The following PCGF5 variants were observed in gnomAD, a reference collection of about 807,000 sequenced individuals.
PCGF5 encodes polycomb group ring finger 5, also known as polycomb group RING finger protein 5.
PCGF5 carries 9 observed loss-of-function variants against 44.3 expected under a neutral mutation model. The ratio of observed to expected loss-of-function variants is 0.20; its 90% CI spans 0.12 to 0.35. The LOEUF is 0.35. Ranked by LOEUF, PCGF5 falls within the 10% of genes least tolerant of loss-of-function variation. PCGF5 has a pLI of 1.00. For missense variants in PCGF5, 146 were observed against 305.3 expected, an observed-to-expected ratio of 0.48 and a Z score of 3.89; for synonymous variants, 95 against 102.5, an observed-to-expected ratio of 0.93 and a Z score of 0.44.
intron 1 of PCGF5, among the ~76,000 whole-genome samples, chr10:91,207,851 A>G (rs1397246656): frequency 2.0e-5 from 3 of 152,210 alleles, no homozygotes; most frequent in African/African-American, 7.2e-5. Context: ...GTGATAATGT[A>G]TCCTCCTAAG....
Position 91,222,939 on chromosome 10 carries a change from G to A in PCGF5, c.68G>A (p.Gly23Glu). 6.2e-7 allele frequency: 1 copy of A among 1,613,118 alleles called. No homozygotes were observed. Among genetic ancestry groups the A allele is most frequent in the Non-Finnish European group, 8.5e-7 (1 of 1,179,220 alleles). Residue 23 changes from glycine to glutamate, a missense_variant, in exon 2 of 10, where the codon GGG becomes GAG. Physicochemically the swap from Gly to Glu is moderately conservative, Grantham distance 98. Coordinates refer to ENST00000336126, the MANE Select transcript of PCGF5 (RefSeq NM_032373.5). Reference protein sequence around the residue: ...NPYITCYICKGYLIKPTTVTE... With the variant: ...NPYITCYICKEYLIKPTTVTE... ...TACATTACCTGCTATATCTGTAAAG[G>A]GTATCTGATCAAGCCAACAACAGTG... is the stretch of plus-strand genomic sequence containing the variant.
rs1343588754 is a variant in PCGF5, at chr10:91,277,778, G to T, written c.724-491G>T. Reference sequence around the variant, plus strand: ...TTTAAAAAATGTTTCAAACTTGTAAGAAATATGATTTGTGAACACTACTCC... The same window carrying T: ...TTTAAAAAATGTTTCAAACTTGTAATAAATATGATTTGTGAACACTACTCC... On this transcript the variant is annotated intron_variant, in intron 9 of 9. Coordinates refer to ENST00000336126, the MANE Select transcript of PCGF5 (RefSeq NM_032373.5). Among the ~76,000 whole-genome samples, 3 of 152,142 alleles carry T rather than the reference G, an allele frequency of 2.0e-5. No individual in the cohort carries two copies. In the East Asian group the frequency reaches 5.8e-4, roughly 29 times the overall value.
chr10:91,189,042 G>T (rs185107820), intron 1 of PCGF5, among the ~76,000 whole-genome samples: 4 of 152,336 alleles, frequency 2.6e-5, no homozygotes, highest in African/African-American at 9.6e-5. Context: ...AGTAAGATTA[G>T]CTAGCATGTG....
intron 1 of PCGF5, among the ~76,000 whole-genome samples, chr10:91,204,028 A>G (rs148949691): frequency 1.9e-3 from 293 of 152,360 alleles, no homozygotes; most frequent in Middle Eastern, 0.01. Flanking sequence ...ATGACACCAC[A>G]AAATCATAAA....
intron 1 of PCGF5, among the ~76,000 whole-genome samples, chr10:91,199,019 T>C (rs1844197101): frequency 6.6e-6 from 1 of 152,220 alleles, no homozygotes; most frequent in Non-Finnish European, 1.5e-5. Context: ...GTATTTATTG[T>C]TTTTGTTCAG....
At chr10:91,176,271 G>A (rs963132526) in intron 1 of PCGF5, among the ~76,000 whole-genome samples, 22 of 152,166 alleles carry the variant, frequency 1.4e-4, no homozygotes, top group Non-Finnish European at 2.4e-4. Context: ...AGTTTCTGCC[G>A]AGAGATCAGC....
intron 6 of PCGF5, among the ~76,000 whole-genome samples, chr10:91,254,128 A>G (rs764835103): frequency 3.3e-5 from 5 of 151,830 alleles, no homozygotes; most frequent in Non-Finnish European, 5.9e-5. Context: ...CCATTAGTAA[A>G]TCGTCCTTTC....
In PCGF5 at chr10:91,222,818, T is replaced by C; in HGVS notation, c.-54T>C. 9.5e-7 allele frequency: 1 copy of C among 1,056,260 alleles called. No homozygotes were observed. Among genetic ancestry groups the C allele is most frequent in the Non-Finnish European group, 1.5e-6 (1 of 685,896 alleles). The allele number at this position is 1,056,260 out of a possible 1,614,324, so 65.4% of individuals were successfully genotyped here. A position where few individuals can be genotyped will look rare whatever the true frequency, so the allele number is the denominator to read the frequency against. ...CAGCTCCTGGGATCAGACTTTCATC[T>C]ACTTAGGACCCCTCTTTGCCCAGAC... On this transcript the variant is annotated 5_prime_UTR_variant, in exon 2 of 10. Transcript: ENST00000336126.
At chr10:91,264,300 G>T (rs998304867) in intron 7 of PCGF5, 131 bp from the exon 8 acceptor site, 1 of 658,918 alleles carries the variant, frequency 1.5e-6, no homozygotes, top group Non-Finnish European at 2.5e-6. Flanking sequence ...GAGAATAAAT[G>T]CCTCCTATTT....
At chr10:91,158,596 G>C (rs1843346354), upstream of PCGF5, among the ~76,000 whole-genome samples, 1 of 152,216 alleles carries the variant, frequency 6.6e-6, no homozygotes, top group African/African-American at 2.4e-5. Flanking sequence ...TCAAGAGAGA[G>C]TGGACTACAT....
chr10:91,254,202 T>TGG (rs1845691387), intron 6 of PCGF5, among the ~76,000 whole-genome samples: 1 of 125,862 alleles, frequency 7.9e-6, no homozygotes, highest in African/African-American at 3.6e-5. Flanking sequence ...CCCCTCCACC[T>TGG]CGTGTGTGTG....
intron 1 of PCGF5, among the ~76,000 whole-genome samples, chr10:91,181,333 T>G (rs1418365964): frequency 6.6e-6 from 1 of 152,224 alleles, no homozygotes; most frequent in Non-Finnish European, 1.5e-5. Context: ...TTTTCCTATT[T>G]GAATGCACTT....
chr10:91,235,125 C>T (rs190690422), intron 2 of PCGF5, among the ~76,000 whole-genome samples: 24 of 152,188 alleles, frequency 1.6e-4, no homozygotes, highest in Non-Finnish European at 3.1e-4. Flanking sequence ...CCAATGTTTC[C>T]GAGTCATCTT....
intron 1 of PCGF5, among the ~76,000 whole-genome samples, chr10:91,172,376 G>A (rs1843624626): frequency 1.3e-5 from 2 of 151,978 alleles, no homozygotes; most frequent in African/African-American, 2.4e-5. Flanking sequence ...CTGGGATTGT[G>A]CCACTGCACT....
intron 1 of PCGF5, among the ~76,000 whole-genome samples, chr10:91,207,923 T>C (rs920831679): frequency 2.0e-5 from 3 of 152,192 alleles, no homozygotes; most frequent in African/African-American, 7.2e-5. Flanking sequence ...TTAGATGCAA[T>C]CACTGTTTAG....
chr10:91,241,925 C>T (rs1048862237), intron 3 of PCGF5, among the ~76,000 whole-genome samples: 6 of 152,112 alleles, frequency 3.9e-5, no homozygotes, highest in African/African-American at 1.4e-4. Flanking sequence ...AGGTCTCAGA[C>T]CACACATCAG....
chr10:91,271,105 T>TATATATATATAATCTA (rs200019800), intron 8 of PCGF5, among the ~76,000 whole-genome samples: 13,205 of 149,386 alleles, frequency 0.088, 891 homozygotes, highest in African/African-American at 0.18. Context: ...TCTAATGCTA[T>TATATATATATAATCTA]ATATATATAT....
chr10:91,196,439 C>T (rs546188978), intron 1 of PCGF5, among the ~76,000 whole-genome samples: 1 of 152,218 alleles, frequency 6.6e-6, no homozygotes, highest in African/African-American at 2.4e-5. Context: ...CAAAGCAGAG[C>T]TTTATGTCCC....
At chr10:91,163,128 G>A (rs1353020240) in intron 1 of PCGF5, 3 of 149,910 alleles carry the variant, frequency 2.0e-5, no homozygotes, top group African/African-American at 7.3e-5. Context: ...GCCCGACGCG[G>A]CCCAGGGAAG....
Sources: allele counts gnomAD v4.1 joint callset (sites outside exome capture counted in the v4.1 genomes callset), GRCh38; gene constraint gnomAD v4.1.1; transcripts MANE v1.5; gene names NCBI Gene and HGNC (gene_info 2026-07-23, HGNC 2026-07-21).